MMP26: variants seen among roughly 807,000 people sequenced by gnomAD.
MMP26 encodes matrix metalloproteinase-26.
Under a neutral mutation model 31.0 loss-of-function variants are expected in MMP26, and 33 were observed. The observed-to-expected ratio is 1.06, with a 90% CI of 0.81 to 1.42. The LOEUF (loss-of-function observed/expected upper bound fraction) is 1.42, where lower values mean the gene tolerates loss of function less well. Among genes scored for constraint, MMP26 ranks in the 40% most tolerant of loss-of-function variants. The probability of loss-of-function intolerance (pLI) is 0.00; values close to 1 mark genes in which losing one functional copy is unlikely to be tolerated. For missense variants in MMP26, 347 were observed against 316.1 expected, an observed-to-expected ratio of 1.10 and a Z score of -0.74; for synonymous variants, 122 against 114.9, an observed-to-expected ratio of 1.06 and a Z score of -0.40.
chr11:4,901,556 G>A (rs185675120), intron 2 of MMP26, among the ~76,000 whole-genome samples: 10 of 152,030 alleles, frequency 6.6e-5, no homozygotes, highest in Non-Finnish European at 8.8e-5. Context: ...AGCACTCAAA[G>A]TGTGGCATAT....
chr11:4,807,793 T>C (rs927079857), intron 2 of MMP26, among the ~76,000 whole-genome samples: 1 of 152,122 alleles, frequency 6.6e-6, no homozygotes, highest in Non-Finnish European at 1.5e-5. Context: ...AAAAATTTGT[T>C]TATTTGCTTG....
chr11:4,892,122 C>G (rs968765003), intron 2 of MMP26, among the ~76,000 whole-genome samples: 2 of 152,024 alleles, frequency 1.3e-5, no homozygotes, highest in South Asian at 4.1e-4. Context: ...CAGTTAGGAA[C>G]AAAACCACAA....
intron 2 of MMP26, among the ~76,000 whole-genome samples, chr11:4,807,370 A>G (rs1293559533): frequency 2.6e-5 from 4 of 152,174 alleles, no homozygotes; most frequent in Non-Finnish European, 5.9e-5. Flanking sequence ...ACCAACCCAA[A>G]TGTCCATTAA....
At chr11:4,896,747 C>G (rs1281936733) in intron 2 of MMP26, among the ~76,000 whole-genome samples, 1 of 152,080 alleles carries the variant, frequency 6.6e-6, no homozygotes, top group Non-Finnish European at 1.5e-5. Context: ...AAGTGTATAG[C>G]TAAATGGATT....
At chr11:4,915,599 A>T (rs1378429101) in intron 2 of MMP26, 1 of 1,614,110 alleles carries the variant, frequency 6.2e-7, no homozygotes, top group Admixed American at 1.7e-5. Flanking sequence ...CAGCCCAGGG[A>T]TGCCACTCAG....
At chr11:4,966,118 A>C (rs1479489805) in intron 2 of MMP26, among the ~76,000 whole-genome samples, 1 of 152,208 alleles carries the variant, frequency 6.6e-6, no homozygotes, top group African/African-American at 2.4e-5. Context: ...GCTTTTTAAG[A>C]AACCTTAAGG....
intron 6 of MMP26, 135 bp from the exon 7 acceptor site, chr11:4,991,829 A>G: frequency 2.5e-6 from 2 of 808,432 alleles, no homozygotes; most frequent in Non-Finnish European, 3.7e-6. Context: ...CTCCTTGCCT[A>G]CCTTTTCCTT....
At chr11:4,905,510 T>C (rs10768355) in intron 2 of MMP26, among the ~76,000 whole-genome samples, 36,075 of 152,016 alleles carry the variant, frequency 0.24, 4,682 homozygotes, top group East Asian at 0.56. Context: ...TTCCAGTGTC[T>C]CCTGTGTTTT....
intron 2 of MMP26, chr11:4,924,083 A>G: frequency 6.2e-7 from 1 of 1,614,134 alleles, no homozygotes; most frequent in Non-Finnish European, 8.5e-7. Flanking sequence ...AAACCAGAAA[A>G]TGCCCAGCAC....
chr11:4,932,776 G>A (rs1328238215), intron 2 of MMP26, among the ~76,000 whole-genome samples: 2 of 152,038 alleles, frequency 1.3e-5, no homozygotes, highest in Non-Finnish European at 2.9e-5. Flanking sequence ...CTTTGTAGTC[G>A]AATGAAGTCC....
At chr11:4,710,386 T>A (rs534547895) in intron 1 of MMP26, 112 of 456,932 alleles carry the variant, frequency 2.5e-4, no homozygotes, top group African/African-American at 2.1e-3. Flanking sequence ...GCCCCTCCCC[T>A]TGTGCACATG....
At chr11:4,857,828 A>G (rs1351914349) in intron 2 of MMP26, among the ~76,000 whole-genome samples, 6 of 152,232 alleles carry the variant, frequency 3.9e-5, no homozygotes, top group Admixed American at 1.3e-4. Context: ...AATACTCAAT[A>G]AAATACTGGC....
intron 1 of MMP26, among the ~76,000 whole-genome samples, chr11:4,706,577 C>CAAAAAAAAAAAAAAAAAAAAAAAAACAAA (rs71050423): frequency 1.1e-5 from 1 of 87,568 alleles, no homozygotes; most frequent in Non-Finnish European, 2.1e-5. Context: ...GACCCTATCT[C>CAAAAAAAAAAAAAAAAAAAAAAAAACAAA]AAAAAAAAAA....
At chr11:4,787,305 T>A (rs140389209) in intron 2 of MMP26, 2,079 of 152,442 alleles carry the variant, frequency 0.014, 16 homozygotes, top group Non-Finnish European at 0.022. Flanking sequence ...GCTTCCACCC[T>A]GATGCGCTTA....
intron 2 of MMP26, among the ~76,000 whole-genome samples, chr11:4,897,198 G>A (rs1195941605): frequency 3.3e-5 from 5 of 151,928 alleles, no homozygotes; most frequent in Admixed American, 6.6e-5. Flanking sequence ...GGAGTGCAGC[G>A]GCAGGATCTC....
At chr11:4,759,850 G>T (rs999164132) in intron 1 of MMP26, among the ~76,000 whole-genome samples, 3 of 152,182 alleles carry the variant, frequency 2.0e-5, no homozygotes, top group African/African-American at 7.2e-5. Context: ...GGCTGTCCTG[G>T]TCTTGGTCTC....
At chr11:4,986,198 C>T (rs1164668317) in intron 2 of MMP26, among the ~76,000 whole-genome samples, 1 of 152,086 alleles carries the variant, frequency 6.6e-6, no homozygotes, top group Non-Finnish European at 1.5e-5. Context: ...CTCTTTGAGT[C>T]TCATTTTTTT....
intron 1 of MMP26, among the ~76,000 whole-genome samples, chr11:4,759,270 T>A (rs1162788217): frequency 6.6e-6 from 1 of 152,060 alleles, no homozygotes; most frequent in Non-Finnish European, 1.5e-5. Flanking sequence ...TCAACAAAGA[T>A]TAGTAAGGAT....
At chr11:4,788,307 C>T (rs908439676) in intron 2 of MMP26, among the ~76,000 whole-genome samples, 3 of 151,792 alleles carry the variant, frequency 2.0e-5, no homozygotes, top group African/African-American at 7.3e-5. Context: ...GTGAATCTCA[C>T]TGAGATTCCT....
Sources: allele counts gnomAD v4.1 joint callset (sites outside exome capture counted in the v4.1 genomes callset), GRCh38; gene constraint gnomAD v4.1.1; transcripts MANE v1.5; gene names NCBI Gene and HGNC (gene_info 2026-07-23, HGNC 2026-07-21).